EYS: variants seen among roughly 807,000 people sequenced by gnomAD.
The protein encoded by EYS is protein eyes shut homolog.
In EYS, 250 loss-of-function variants were observed where a neutral mutation model predicts 282.1. The ratio of observed to expected loss-of-function variants is 0.89; its 90% CI spans 0.80 to 0.98. EYS has a LOEUF of 0.98. Ranked by LOEUF, EYS falls within the 50% of genes least tolerant of loss-of-function variation. EYS has a pLI of 0.00. For missense variants in EYS, 4,016 were observed against 3,709.0 expected (o/e 1.08, Z -2.15); for synonymous variants, 1,355 against 1,282.9 (o/e 1.06, Z -1.20).
At chr6:64,926,199 C>G (rs1768511905) in intron 15 of EYS, among the ~76,000 whole-genome samples, 1 of 152,156 alleles carries the variant, frequency 6.6e-6, no homozygotes, top group Non-Finnish European at 1.5e-5. Flanking sequence ...GAAGAGGGAG[C>G]ACCCAAGTAC....
chr6:65,420,615 G>A (rs565072607), intron 5 of EYS, among the ~76,000 whole-genome samples: 13 of 150,948 alleles, frequency 8.6e-5, no homozygotes, highest in East Asian at 1.9e-4. Context: ...ATCTAGAATG[G>A]TGAATTCTTT....
At chr6:64,443,213 G>A (rs536593928) in intron 26 of EYS, among the ~76,000 whole-genome samples, 2 of 152,282 alleles carry the variant, frequency 1.3e-5, no homozygotes, top group South Asian at 4.1e-4. Flanking sequence ...TGACTGCCCT[G>A]CTGGATTTTG....
intron 26 of EYS, among the ~76,000 whole-genome samples, chr6:64,551,359 T>C (rs1765076774): frequency 1.3e-5 from 2 of 151,450 alleles, no homozygotes; most frequent in Non-Finnish European, 2.9e-5. Flanking sequence ...GCAGAAGGAG[T>C]CTTTGATTTG....
In EYS at chr6:63,786,198, G is replaced by A. The variant is rs1397917731; in HGVS notation, c.7723+1907C>T. ...TGTACTCCAGCCTTGATGACACAGC[G>A]AGACTCAAAAAAAAAAAAAAAAAAA... On this transcript the variant is annotated intron_variant, in intron 39 of 42. Coordinates refer to ENST00000503581, the MANE Select transcript of EYS (RefSeq NM_001142800.2). The A allele has an allele frequency of 1.1e-4, 12 of 112,672 alleles. No homozygotes were observed. In the East Asian group the frequency reaches 1.2e-3, roughly 11 times the overall value. The allele number at this position is 112,672 out of a possible 1,614,324, so 7.0% of individuals were successfully genotyped here. A position where few individuals can be genotyped will look rare whatever the true frequency, so the allele number is the denominator to read the frequency against.
At chr6:64,549,886 C>T (rs1360110040) in intron 26 of EYS, among the ~76,000 whole-genome samples, 1 of 152,066 alleles carries the variant, frequency 6.6e-6, no homozygotes, top group Admixed American at 6.6e-5. Flanking sequence ...TCCCTCCCTC[C>T]TCCCCCTACC....
rs191313273 is a variant in EYS at position 64,448,781 on chromosome 6, C to T, written c.5645-9429G>A. ...GGACCTCCAGTAAACTCCAACAGAC[C>T]TGCAGCTGAGGGTCCTCACTGTTAG... On this transcript the variant is annotated intron_variant, in intron 26 of 42. Transcript: ENST00000503581. Among the ~76,000 whole-genome samples the T allele has an allele frequency of 1.8e-3, 280 of 152,298 alleles. 1 individual carries two copies. Among genetic ancestry groups the T allele is most frequent in the African/African-American group, 6.4e-3 (268 of 41,558 alleles).
intron 2 of EYS, among the ~76,000 whole-genome samples, chr6:65,570,626 T>A (rs986169730): frequency 6.6e-6 from 1 of 152,150 alleles, no homozygotes; most frequent in African/African-American, 2.4e-5. Context: ...TTCCACTAAG[T>A]GAATCTGTTA....
At chr6:65,372,960 T>C (rs532717646) in intron 8 of EYS, among the ~76,000 whole-genome samples, 1 of 152,262 alleles carries the variant, frequency 6.6e-6, no homozygotes, top group South Asian at 2.1e-4. Context: ...TTTCATTAAA[T>C]GCATATTAAA....
intron 30 of EYS, among the ~76,000 whole-genome samples, chr6:64,279,895 T>C (rs1342790159): frequency 1.3e-5 from 2 of 152,218 alleles, no homozygotes; most frequent in African/African-American, 2.4e-5. Flanking sequence ...TCAACAACTG[T>C]ATCAAATTAA....
chr6:64,177,374 C>G (rs1289655202), intron 31 of EYS, among the ~76,000 whole-genome samples: 1 of 151,506 alleles, frequency 6.6e-6, no homozygotes. Context: ...TTCACCATAT[C>G]TTGTACTATT....
chr6:64,901,894 C>A (rs1478073562), intron 18 of EYS, among the ~76,000 whole-genome samples: 3 of 152,232 alleles, frequency 2.0e-5, no homozygotes, highest in South Asian at 4.1e-4. Flanking sequence ...CTCAGGCACA[C>A]ATACAAATAG....
At chr6:65,178,680 G>C (rs1765292999) in intron 12 of EYS, among the ~76,000 whole-genome samples, 1 of 151,930 alleles carries the variant, frequency 6.6e-6, no homozygotes, top group Non-Finnish European at 1.5e-5. Flanking sequence ...AGGATATCCA[G>C]GAATTGAACT....
rs113821961 is a variant in EYS, at chr6:64,626,266, C to T, written c.3444-21G>A. The T allele has an allele frequency of 1.2e-4, 189 of 1,518,062 alleles. No individual in the cohort carries two copies. The African/African-American group carries it at 1.8e-3, about 15-fold the overall frequency. The allele number at this position is 1,518,062 out of a possible 1,614,324, so 94.0% of individuals were successfully genotyped here. A position where few individuals can be genotyped will look rare whatever the true frequency, so the allele number is the denominator to read the frequency against. ...GACATCTAAGGAAAAAAAATGAAAA[C>T]GATATTTGTATATATTATACACATG... On this transcript the variant is annotated intron_variant, in intron 22 of 42. Coordinates refer to ENST00000503581, the MANE Select transcript of EYS (RefSeq NM_001142800.2).
intron 22 of EYS, among the ~76,000 whole-genome samples, chr6:64,682,162 A>G (rs957901546): frequency 6.6e-6 from 1 of 152,162 alleles, no homozygotes; most frequent in African/African-American, 2.4e-5. Context: ...AAGGAGATCG[A>G]GACCATCCTG....
chr6:65,086,893 G>A (rs1774394613), intron 12 of EYS, among the ~76,000 whole-genome samples: 1 of 151,590 alleles, frequency 6.6e-6, no homozygotes, highest in Admixed American at 6.6e-5. Flanking sequence ...GCACGAACTC[G>A]GCTCACTGCA....
intron 19 of EYS, among the ~76,000 whole-genome samples, chr6:64,829,598 G>C (rs932666989): frequency 1.3e-5 from 2 of 151,956 alleles, no homozygotes; most frequent in African/African-American, 4.8e-5. Flanking sequence ...GATAACGATA[G>C]ATCTGTTGGT....
rs192838069 is a variant in EYS at position 64,365,494 on chromosome 6, A to G, written c.6078+23196T>C. 1.2e-4 allele frequency among the ~76,000 whole-genome samples: 19 copies of G among 152,054 alleles called. No individual in the cohort carries two copies. The East Asian group carries it at 3.5e-3, about 28-fold the overall frequency. ...ATCAGGCCACTTTTATGGGAGTAAG[A>G]CAACGTATAAGAGCAGCCATGGACA... On this transcript the variant is annotated intron_variant, in intron 29 of 42. Coordinates refer to ENST00000503581, the MANE Select transcript of EYS (RefSeq NM_001142800.2).
In EYS at chr6:64,483,639, G is replaced by C. The variant is rs546571472; in HGVS notation, c.5645-44287C>G. On this transcript the variant is annotated intron_variant, in intron 26 of 42. Transcript: ENST00000503581. ...AAGAGGCAGGCTCTGTTTCTGAATAGGGAAGCCTGCCCCAATCTAGTGCCA... is the reference window on the plus strand; with the variant it reads ...AAGAGGCAGGCTCTGTTTCTGAATACGGAAGCCTGCCCCAATCTAGTGCCA... 2.6e-5 allele frequency among the ~76,000 whole-genome samples: 4 copies of C among 151,660 alleles called. 1 individual carries two copies. In the South Asian group the frequency reaches 8.3e-4, roughly 32 times the overall value.
chr6:65,490,805 C>A, intron 4 of EYS, 98 bp from the exon 5 acceptor site: 1 of 717,800 alleles, frequency 1.4e-6, no homozygotes, highest in Non-Finnish European at 2.5e-6. Context: ...CAAATTCTGA[C>A]TAATGTAATT....
Sources: gnomAD v4.1 joint callset for allele counts (sites outside exome capture counted in the v4.1 genomes callset) on GRCh38, gnomAD v4.1.1 for gene constraint, MANE v1.5 for transcripts, NCBI Gene and HGNC (gene_info 2026-07-23, HGNC 2026-07-21) for gene names.